AHDC1: variants seen among roughly 807,000 people sequenced by gnomAD.
AHDC1 encodes AT-hook DNA binding motif containing 1.
A neutral mutation model predicts 87.9 loss-of-function variants in AHDC1; 7 were observed. The ratio of observed to expected loss-of-function variants is 0.08; its 90% confidence interval spans 0.05 to 0.15. The LOEUF (loss-of-function observed/expected upper bound fraction) is 0.15. AHDC1 is among the 10% of genes least tolerant of loss of function. The pLI, the probability that AHDC1 is intolerant of heterozygous loss-of-function variation, is 1.00. For missense variants in AHDC1, 1,841 were observed against 2,253.2 expected (o/e 0.82, Z 3.70); for synonymous variants, 1,051 against 1,006.8 (o/e 1.04, Z -0.83).
intron 3 of AHDC1, among the ~76,000 whole-genome samples, chr1:27,574,267 C>T (rs1375527372): frequency 2.0e-5 from 3 of 152,194 alleles, no homozygotes; most frequent in Non-Finnish European, 4.4e-5. Context: ...TGACAGAGAC[C>T]TTGGGAAGTG....
At chr1:27,599,132 A>G (rs1467879279) in intron 3 of AHDC1, among the ~76,000 whole-genome samples, 1 of 152,180 alleles carries the variant, frequency 6.6e-6, no homozygotes, top group Non-Finnish European at 1.5e-5. Context: ...TTCCTGACCT[A>G]CCATGGGTAA....
rs1405434349 is a variant in AHDC1 at position 27,550,984 on chromosome 1, C to G, written c.1132G>C (p.Gly378Arg). Residue 378 changes from glycine (G) to arginine (R), a missense_variant, in exon 8 of 9, where the codon GGT becomes CGT. Physicochemically the swap from Gly to Arg is moderately radical, Grantham distance 125. This residue lies in a region of AHDC1 where 370 missense variants were observed against 391.5 expected (regional missense o/e 0.95). Coordinates refer to ENST00000673934, the MANE Select transcript of AHDC1 (RefSeq NM_001371928.1). ...CGCCGCAAGGCGTACTTGGGGTGAC[C>G]CTCAGGCCCGGGGGGGCCGTGCGGT... ...CSPHGPPGPE[G>R]HPKYALRRTD... is the part of the protein sequence containing the mutation. The G allele has an allele frequency of 6.3e-7, 1 of 1,586,658 alleles. No individual in the cohort carries two copies. The highest frequency in any genetic ancestry group is 1.7e-5 in the Admixed American group (1 of 57,452).
chr1:27,548,903 G>A lies in AHDC1; in HGVS notation c.3213C>T (p.Pro1071=), dbSNP rs778942219. The A allele has an allele frequency of 3.7e-6, 6 of 1,608,456 alleles. No individual in the cohort carries two copies. In the South Asian group the frequency reaches 6.6e-5, roughly 18 times the overall value. ...STVSPGGYMV[P]KGTTASATSA... ...AGGTGGCAGAGGCTGTGGTGCCCTT[G>A]GGTACCATGTAGCCACCGGGCGAGA... The change falls in exon 8 of 9, where the codon CCC becomes CCT. Residue 1071 remains proline, a synonymous_variant. Coordinates refer to ENST00000673934, the MANE Select transcript of AHDC1 (RefSeq NM_001371928.1).
At chr1:27,557,189 C>T (rs748398999) in intron 5 of AHDC1, among the ~76,000 whole-genome samples, 1 of 151,386 alleles carries the variant, frequency 6.6e-6, no homozygotes, top group Non-Finnish European at 1.5e-5. Flanking sequence ...TGGCTGGACC[C>T]GAGGGTCACC....
intron 8 of AHDC1, among the ~76,000 whole-genome samples, chr1:27,537,470 A>G (rs2018696134): frequency 6.6e-6 from 1 of 152,164 alleles, no homozygotes; most frequent in Admixed American, 6.5e-5. Flanking sequence ...TACCCAGCAC[A>G]TGCTGGGGCC....
rs770017023 is a variant in AHDC1, at chr1:27,551,719, G to A, written c.397C>T (p.Arg133Cys). The A allele has an allele frequency of 5.0e-6, 8 of 1,613,688 alleles. No homozygotes were observed. The highest frequency in any genetic ancestry group is 4.4e-5 in the South Asian group (4 of 91,080). The change falls in exon 8 of 9, where the codon CGC becomes TGC. Residue 133 changes from arginine to cysteine, a missense_variant. By Grantham distance (180) the Arg-to-Cys change is radical. This residue lies in a region of AHDC1 where 50 missense variants were observed against 104.3 expected (regional missense o/e 0.48). Transcript: ENST00000673934. ...CTGTGCTGCAGGTCCTGGGAGAGGC[G>A]TGTCAGGTCCTTCATGATGTCAATC... ...QLIDIMKDLTRLSQDLQHSGV... is the reference protein window; with the variant it reads ...QLIDIMKDLTCLSQDLQHSGV...
chr1:27,536,297 G>A (rs2018636605), intron 8 of AHDC1, among the ~76,000 whole-genome samples: 1 of 152,252 alleles, frequency 6.6e-6, no homozygotes, highest in Non-Finnish European at 1.5e-5. Flanking sequence ...GGGGAACCAG[G>A]TGGGCTCCTG....
In AHDC1 at chr1:27,552,184, C is replaced by G; in HGVS notation, c.-69G>C. 1 of 1,424,968 alleles carries G rather than the reference C, an allele frequency of 7.0e-7. No individual in the cohort carries two copies. Among genetic ancestry groups the G allele is most frequent in the East Asian group, 2.5e-5 (1 of 39,368 alleles). The allele number at this position is 1,424,968 out of a possible 1,614,324, so 88.3% of individuals were successfully genotyped here. Reference sequence around the variant, plus strand: ...ACATGAGGGTGCGAGAAGCCGGGACCAGGACCTGCCAGGCAGGAAGAGCAG... The same window carrying G: ...ACATGAGGGTGCGAGAAGCCGGGACGAGGACCTGCCAGGCAGGAAGAGCAG... On this transcript the variant is annotated 5_prime_UTR_variant, in exon 8 of 9. Transcript: ENST00000673934.
chr1:27,544,186 G>T (rs1400534065), intron 8 of AHDC1, among the ~76,000 whole-genome samples: 2 of 152,184 alleles, frequency 1.3e-5, no homozygotes, highest in Non-Finnish European at 2.9e-5. Context: ...GGTTGTGGTG[G>T]GGAGACACAC....
Position 27,549,078 on chromosome 1 carries a change from C to T in AHDC1, c.3038G>A (p.Ser1013Asn). The T allele has an allele frequency of 6.4e-7, 1 of 1,561,486 alleles. No homozygotes were observed. The highest frequency in any genetic ancestry group is 8.7e-7 in the Non-Finnish European group (1 of 1,153,624). ...GSGNSLPASPSSAHSAGYAPP... is the reference protein window; with the variant it reads ...GSGNSLPASPNSAHSAGYAPP... ...GGCATAGCCGGCGCTGTGGGCGCTG[C>T]TGGGTGAGGCAGGGAGGCTGTTGCC... The change falls in exon 8 of 9, where the codon AGC (serine) becomes AAC (asparagine). Residue 1013 changes from serine to asparagine, a missense_variant. Ser to Asn is a conservative substitution (Grantham distance 46, BLOSUM62 1). Around this residue, in one of 13 missense-constraint regions of AHDC1, gnomAD observed 378 missense variants for 399.0 expected, o/e 0.95. Transcript: ENST00000673934.
chr1:27,549,725 C>A lies in AHDC1; in HGVS notation c.2391G>T (p.Glu797Asp). 1 of 1,612,932 alleles carries A rather than the reference C, an allele frequency of 6.2e-7. No homozygotes were observed. Among genetic ancestry groups the A allele is most frequent in the Non-Finnish European group, 8.5e-7 (1 of 1,179,980 alleles). The change falls in exon 8 of 9, where the codon GAG (glutamate) becomes GAT (aspartate). Residue 797 changes from glutamate to aspartate, a missense_variant. Around this residue, in one of 13 missense-constraint regions of AHDC1, gnomAD observed 236 missense variants for 257.9 expected, o/e 0.92. Transcript: ENST00000673934. ...AGRNCGFQGT[E>D]ARAFASTGLE... The stretch of plus-strand genomic sequence containing the variant: ...GCCCAGTGGAGGCAAAGGCCCGGGC[C>A]TCGGTCCCCTGAAACCCACAGTTTC...
rs190557788 is a variant in AHDC1 at position 27,598,103 on chromosome 1, A to G, written c.-629+5294T>C. On this transcript the variant is annotated intron_variant, in intron 3 of 8. Transcript: ENST00000673934. The surrounding 1 kb of genome is among the most constrained non-coding windows in gnomAD (Gnocchi z 4.2). Reference sequence around the variant, plus strand: ...CAAGGCACCCTCCCCCAGGTCAGCAAGGCCTCTCCTGGCTCAGGGGGTGGG... The same window carrying G: ...CAAGGCACCCTCCCCCAGGTCAGCAGGGCCTCTCCTGGCTCAGGGGGTGGG... 7.9e-5 allele frequency among the ~76,000 whole-genome samples: 12 copies of G among 152,274 alleles called. No individual in the cohort carries two copies. In the East Asian group the frequency reaches 2.1e-3, roughly 27 times the overall value.
In AHDC1 at chr1:27,549,457, T is replaced by A; in HGVS notation, c.2659A>T (p.Thr887Ser). ...SALPAQRGLATFPSRGAKASP... is the reference protein window; with the variant it reads ...SALPAQRGLASFPSRGAKASP... ...GCCTTGGCTCCCCGGCTAGGGAAGGTGGCCAGGCCCCGCTGGGCAGGCAGG... is the reference window on the plus strand; with the variant it reads ...GCCTTGGCTCCCCGGCTAGGGAAGGAGGCCAGGCCCCGCTGGGCAGGCAGG... The change falls in exon 8 of 9, where the codon ACC becomes TCC. Residue 887 changes from threonine (T) to serine (S), a missense_variant. Coordinates refer to ENST00000673934, the MANE Select transcript of AHDC1 (RefSeq NM_001371928.1). 1 of 1,612,722 alleles carries A rather than the reference T, an allele frequency of 6.2e-7. No individual in the cohort carries two copies. The highest frequency in any genetic ancestry group is 8.5e-7 in the Non-Finnish European group (1 of 1,179,766).
At position 27,549,718 on chromosome 1, in the gene AHDC1, C is replaced by A. The variant is rs779786311; in HGVS notation, c.2398G>T (p.Ala800Ser). 1 of 1,612,938 alleles carries A rather than the reference C, an allele frequency of 6.2e-7. No individual in the cohort carries two copies. The highest frequency in any genetic ancestry group is 8.5e-7 in the Non-Finnish European group (1 of 1,179,974). The change falls in exon 8 of 9, where the codon GCC becomes TCC. Residue 800 changes from alanine (A) to serine (S), a missense_variant. Ala to Ser is a moderately conservative substitution (Grantham distance 99). This residue lies in a region of AHDC1 where 236 missense variants were observed against 257.9 expected (regional missense o/e 0.92). Coordinates refer to ENST00000673934, the MANE Select transcript of AHDC1 (RefSeq NM_001371928.1). ...CTCTCCAGCCCAGTGGAGGCAAAGG[C>A]CCGGGCCTCGGTCCCCTGAAACCCA... ...NCGFQGTEAR[A>S]FASTGLESGA...
Position 27,558,805 on chromosome 1 carries a change from C to T in AHDC1, c.-550G>A. 2.5e-6 allele frequency: 1 copy of T among 398,706 alleles called. No individual in the cohort carries two copies. Among genetic ancestry groups the T allele is most frequent in the Non-Finnish European group, 4.4e-6 (1 of 226,094 alleles). The allele number at this position is 398,706 out of a possible 1,614,324, so 24.7% of individuals were successfully genotyped here. The stretch of plus-strand genomic sequence containing the variant: ...GCAACGGCCTGAGCGTCGCCCCGCA[C>T]TCGGGGCCCTCTGCACACGCTCAAC... On this transcript the variant is annotated 5_prime_UTR_variant, in exon 4 of 9. The change creates a new upstream start codon in the 5' untranslated region. Coordinates refer to ENST00000673934, the MANE Select transcript of AHDC1 (RefSeq NM_001371928.1). The surrounding 1 kb of genome is among the most constrained non-coding windows in gnomAD (Gnocchi z 5.6).
chr1:27,588,059 C>A (rs1241089367), intron 3 of AHDC1, among the ~76,000 whole-genome samples: 2 of 152,222 alleles, frequency 1.3e-5, no homozygotes, highest in Non-Finnish European at 2.9e-5. Context: ...CTGGATAAAA[C>A]TGAAGCCCCA....
chr1:27,548,687 C>G lies in AHDC1; in HGVS notation c.3429G>C (p.Leu1143=). ...TCTGCGGTGTGTAGTTGGAGATGTC[C>G]AGGATCACGTTGGGCTCGCTGACGT... is the stretch of plus-strand genomic sequence containing the variant. ...DCHVSEPNVI[L]DISNYTPQKV... Residue 1143 remains leucine (L), a synonymous_variant, in exon 8 of 9, where the codon CTG becomes CTC. Transcript: ENST00000673934. 6.2e-7 allele frequency: 1 copy of G among 1,613,388 alleles called. No individual in the cohort carries two copies. The highest frequency in any genetic ancestry group is 8.5e-7 in the Non-Finnish European group (1 of 1,180,038).
intron 3 of AHDC1, among the ~76,000 whole-genome samples, chr1:27,602,813 C>T (rs2089569322): frequency 6.6e-6 from 1 of 152,138 alleles, no homozygotes; most frequent in Non-Finnish European, 1.5e-5. Context: ...CCCTCCTCCG[C>T]CCCACACCCC....
intron 3 of AHDC1, among the ~76,000 whole-genome samples, chr1:27,594,967 G>A (rs1425730839): frequency 6.6e-6 from 1 of 152,014 alleles, no homozygotes; most frequent in Non-Finnish European, 1.5e-5. Flanking sequence ...GGTGGCTGAG[G>A]AAAAGTACCG....
Sources: allele counts gnomAD v4.1 joint callset (sites outside exome capture counted in the v4.1 genomes callset), GRCh38; gene constraint gnomAD v4.1.1; regional missense constraint gnomAD v4.1.1; non-coding constraint Gnocchi (gnomAD v3.1); transcripts MANE v1.5; gene names NCBI Gene and HGNC (gene_info 2026-07-23, HGNC 2026-07-21).